PARG: variants seen among roughly 807,000 people sequenced by gnomAD.
PARG encodes the protein poly(ADP-ribose) glycohydrolase.
PARG carries 35 observed loss-of-function variants against 113.0 expected under a neutral mutation model. The ratio of observed to expected loss-of-function variants is 0.31; its 90% CI spans 0.24 to 0.41. The LOEUF is 0.41. PARG is among the 10% of genes least tolerant of loss of function. The pLI is 1.00. For synonymous variants in PARG, 330 were observed against 409.9 expected (o/e 0.81, Z 2.36); for missense variants, 797 against 1,169.4 (o/e 0.68, Z 4.64).
chr10:49,929,195 G>A (rs1838365142), intron 4 of PARG, among the ~76,000 whole-genome samples: 1 of 150,020 alleles, frequency 6.7e-6, no homozygotes, highest in South Asian at 2.1e-4. Context: ...TTTGTGGGAG[G>A]GTGGGAGAGA....
At chr10:49,820,539 T>A (rs764723025) in intron 16 of PARG, among the ~76,000 whole-genome samples, 1 of 151,282 alleles carries the variant, frequency 6.6e-6, no homozygotes, top group African/African-American at 2.4e-5. Flanking sequence ...CTGGCCAACA[T>A]GGTGAAACCC....
At chr10:49,822,490 G>A (rs1275867233) in intron 16 of PARG, among the ~76,000 whole-genome samples, 2 of 152,050 alleles carry the variant, frequency 1.3e-5, no homozygotes, top group African/African-American at 2.4e-5. Context: ...AAAACAAAAC[G>A]AAACAAAAAA....
At chr10:49,933,139 A>C (rs1838571849) in intron 3 of PARG, 38 bp downstream of exon 3, 2 of 1,409,602 alleles carry the variant, frequency 1.4e-6, no homozygotes, top group Non-Finnish European at 9.9e-7. Context: ...TATAAAGCAT[A>C]TTATGCTATT....
chr10:49,843,484 A>T (rs1588887309), intron 14 of PARG, 70 bp downstream of exon 14: 19 of 829,788 alleles, frequency 2.3e-5, no homozygotes, highest in Admixed American at 8.3e-5. Context: ...ACAGAATGAG[A>T]GTGTGTGAGG....
chr10:49,917,007 T>C (rs1480326721), intron 6 of PARG, among the ~76,000 whole-genome samples: 4 of 152,040 alleles, frequency 2.6e-5, no homozygotes, highest in African/African-American at 9.7e-5. Flanking sequence ...AGTATCTAGG[T>C]TAAAAGATGA....
rs1554842491 is a variant in PARG, at chr10:49,895,405, T to C, written c.1738-10110A>G. Among the ~76,000 whole-genome samples the C allele has an allele frequency of 7.2e-5, 11 of 152,172 alleles. No individual in the cohort carries two copies. The South Asian group carries it at 1.9e-3, about 26-fold the overall frequency. ...TGGAACTGCATACAGGGAGAACTGA[T>C]ATCTTTTTTTTTTTTGAGATGGAGT... On this transcript the variant is annotated intron_variant, in intron 7 of 17. Coordinates refer to ENST00000616448, the MANE Select transcript of PARG (RefSeq NM_003631.5).
chr10:49,888,820 C>T (rs1400814088), intron 7 of PARG, among the ~76,000 whole-genome samples: 3 of 152,110 alleles, frequency 2.0e-5, no homozygotes, highest in African/African-American at 7.2e-5. Flanking sequence ...CAGTCCCACC[C>T]TCTTTCCCCT....
At chr10:49,917,849 T>C (rs1302041582) in intron 6 of PARG, among the ~76,000 whole-genome samples, 1 of 130,796 alleles carries the variant, frequency 7.6e-6, no homozygotes, top group Non-Finnish European at 1.7e-5. Context: ...AAAAAAAAAA[T>C]TAAAAGATTT....
chr10:49,874,511 C>T (rs1846852555), intron 9 of PARG, among the ~76,000 whole-genome samples: 1 of 152,126 alleles, frequency 6.6e-6, no homozygotes. Flanking sequence ...CCCCAGACTT[C>T]CCCACTCAGA....
intron 1 of PARG, among the ~76,000 whole-genome samples, chr10:49,939,410 G>A (rs1838908520): frequency 6.6e-6 from 1 of 152,134 alleles, no homozygotes; most frequent in Non-Finnish European, 1.5e-5. Context: ...CACATAGTAA[G>A]GTTAAGTATT....
chr10:49,828,438 A>C (rs1225967901), intron 16 of PARG, among the ~76,000 whole-genome samples: 1 of 152,186 alleles, frequency 6.6e-6, no homozygotes, highest in Non-Finnish European at 1.5e-5. Context: ...AAGCTTTCAC[A>C]TGAGTTCCAC....
chr10:49,919,549 A>G (rs1837683053), intron 6 of PARG, among the ~76,000 whole-genome samples: 1 of 152,170 alleles, frequency 6.6e-6, no homozygotes, highest in Admixed American at 6.5e-5. Context: ...CAGATGTGGT[A>G]ATTACATGCC....
chr10:49,856,201 AT>A (rs1679307081), intron 13 of PARG, among the ~76,000 whole-genome samples: 1 of 149,450 alleles, frequency 6.7e-6, no homozygotes, highest in Non-Finnish European at 1.5e-5. Flanking sequence ...TTTTTTTGAG[AT>A]GGAGTCTTGC....
chr10:49,912,243 T>C (rs1554846440), intron 7 of PARG, among the ~76,000 whole-genome samples: 1 of 152,128 alleles, frequency 6.6e-6, no homozygotes, highest in Non-Finnish European at 1.5e-5. Flanking sequence ...GAGGTTACAA[T>C]GAGCCGAGAT....
chr10:49,869,629 T>C, intron 9 of PARG, 74 bp from the exon 10 acceptor site: 2 of 670,396 alleles, frequency 3.0e-6, no homozygotes, highest in Non-Finnish European at 2.7e-6. Context: ...TACATCCATA[T>C]TGCTACCAAG....
At chr10:49,927,378 GAAA>G (rs1838250233) in intron 4 of PARG, among the ~76,000 whole-genome samples, 346 of 42,630 alleles carry the variant, frequency 8.1e-3, no homozygotes, top group African/African-American at 0.014. Flanking sequence ...AGGAAAGAAA[GAAA>G]GAAAGAAAGA....
At chr10:49,840,166 G>T (rs567857734) in intron 15 of PARG, among the ~76,000 whole-genome samples, 2 of 152,118 alleles carry the variant, frequency 1.3e-5, no homozygotes, top group Non-Finnish European at 2.9e-5. Context: ...ACGGGGAGGA[G>T]ATCACTTGAG....
chr10:49,843,235 C>T lies in PARG; in HGVS notation c.2432+319G>A, dbSNP rs74131141. ...AAAGGCTTTAAGCTCTAATTAGAAC[C>T]TATTCTACTCAGATTTAAACATGGA... is the stretch of plus-strand genomic sequence containing the variant. On this transcript the variant is annotated intron_variant, in intron 14 of 17. Coordinates refer to ENST00000616448, the MANE Select transcript of PARG (RefSeq NM_003631.5). Among the ~76,000 whole-genome samples, 752 of 152,262 alleles carry T rather than the reference C, an allele frequency of 4.9e-3. 11 individuals carry two copies. The highest frequency in any genetic ancestry group is 0.027 in the Middle Eastern group (8 of 294).
At chr10:49,849,379 A>G (rs1351829835) in intron 13 of PARG, among the ~76,000 whole-genome samples, 1 of 151,268 alleles carries the variant, frequency 6.6e-6, no homozygotes, top group Non-Finnish European at 1.5e-5. Flanking sequence ...TATAGCAACC[A>G]AAACAGGAAG....
Sources: allele counts gnomAD v4.1 joint callset (sites outside exome capture counted in the v4.1 genomes callset), GRCh38; gene constraint gnomAD v4.1.1; transcripts MANE v1.5; gene names NCBI Gene and HGNC (gene_info 2026-07-23, HGNC 2026-07-21).